JAKMIP3: variants seen among roughly 807,000 people sequenced by gnomAD.
JAKMIP3 encodes janus kinase and microtubule-interacting protein 3.
Under a neutral mutation model 118.5 loss-of-function variants are expected in JAKMIP3, and 58 were observed. The observed-to-expected ratio is 0.49, with a 90% CI of 0.40 to 0.61. The LOEUF is 0.61. Ranked by LOEUF, JAKMIP3 falls within the 20% of genes least tolerant of loss-of-function variation. The pLI is 0.00. For missense variants in JAKMIP3, 950 were observed against 1,109.0 expected (o/e 0.86, Z 2.04); for synonymous variants, 486 against 451.2 (o/e 1.08, Z -0.98).
At chr10:132,163,622 T>TA (rs766915266) in intron 20 of JAKMIP3, among the ~76,000 whole-genome samples, 9 of 147,668 alleles carry the variant, frequency 6.1e-5, no homozygotes, top group Non-Finnish European at 1.3e-4. Flanking sequence ...GAGCCTTGGA[T>TA]GGCCACACCT....
At chr10:132,082,605 C>T (rs1455644801) in intron 1 of JAKMIP3, among the ~76,000 whole-genome samples, 2 of 151,844 alleles carry the variant, frequency 1.3e-5, no homozygotes, top group Non-Finnish European at 2.9e-5. Flanking sequence ...ATATATACAC[C>T]ACAGTTTCTT....
At chr10:132,095,852 T>C (rs1422501038) in intron 1 of JAKMIP3, among the ~76,000 whole-genome samples, 1 of 152,198 alleles carries the variant, frequency 6.6e-6, no homozygotes, top group Non-Finnish European at 1.5e-5. Flanking sequence ...GAGGCTTGCC[T>C]TCAAGATTGG....
At chr10:132,041,476 C>T (rs2037744923) in intron 1 of JAKMIP3, among the ~76,000 whole-genome samples, 1 of 152,234 alleles carries the variant, frequency 6.6e-6, no homozygotes, top group Non-Finnish European at 1.5e-5. Flanking sequence ...CGGACGGGCA[C>T]AGCGGTAAAC....
chr10:132,064,640 G>T (rs867705352), upstream of JAKMIP3, among the ~76,000 whole-genome samples: 1 of 152,180 alleles, frequency 6.6e-6, no homozygotes, highest in African/African-American at 2.4e-5. This position sits in a 1 kb window ranked among gnomAD's most constrained non-coding sequence, Gnocchi z 4.4. Context: ...GACAGCGGGC[G>T]GCTCCGTCAC....
At chr10:132,102,328 C>T (rs1414907615) in intron 1 of JAKMIP3, among the ~76,000 whole-genome samples, 2 of 152,136 alleles carry the variant, frequency 1.3e-5, no homozygotes, top group Non-Finnish European at 2.9e-5. Context: ...ATGACGTCCG[C>T]GGGACAACCT....
chr10:132,173,739 G>C (rs2059863455), intron 23 of JAKMIP3, among the ~76,000 whole-genome samples: 1 of 120,220 alleles, frequency 8.3e-6, no homozygotes, highest in Non-Finnish European at 1.9e-5. Flanking sequence ...GTGTGTCTGT[G>C]GTGGTCTGTG....
At chr10:132,141,749 C>T (rs946331604) in intron 10 of JAKMIP3, among the ~76,000 whole-genome samples, 171 bp from the exon 11 acceptor site, 43 of 152,180 alleles carry the variant, frequency 2.8e-4, no homozygotes, top group Admixed American at 8.5e-4. Context: ...CCCAGGCAGC[C>T]GCCCCTCCCT....
intron 2 of JAKMIP3, among the ~76,000 whole-genome samples, chr10:132,105,173 C>T (rs1205975080): frequency 6.6e-6 from 1 of 152,226 alleles, no homozygotes; most frequent in Non-Finnish European, 1.5e-5. Context: ...ACGCTGAGCT[C>T]ACAGAAATTA....
At chr10:132,086,583 T>C (rs925044619) in intron 1 of JAKMIP3, among the ~76,000 whole-genome samples, 3 of 152,228 alleles carry the variant, frequency 2.0e-5, no homozygotes, top group African/African-American at 7.2e-5. Flanking sequence ...TATTTTCCTG[T>C]TGGACAAGGC....
intron 3 of JAKMIP3, among the ~76,000 whole-genome samples, chr10:132,121,281 C>A (rs1195826939): frequency 6.6e-6 from 1 of 152,158 alleles, no homozygotes; most frequent in Non-Finnish European, 1.5e-5. Flanking sequence ...TCCAGGACAG[C>A]CGCCAACCCA....
rs756294924 is a variant in JAKMIP3, at chr10:132,135,001, G to T, written c.850-40G>T. ...GGATTTGCAAAGGCTTCCCAGGCTT[G>T]TGGGTAGGAACCGTTATTTGCAGTT... is the stretch of plus-strand genomic sequence containing the variant. On this transcript the variant is annotated intron_variant, in intron 4 of 23. Transcript: ENST00000684848. 1.0e-5 allele frequency: 16 copies of T among 1,603,664 alleles called. No homozygotes were observed. In the East Asian group the frequency reaches 1.8e-4, roughly 18 times the overall value.
In JAKMIP3 at chr10:132,117,638, GGGGCGGGC is replaced by G. The variant is rs2047912525; in HGVS notation, c.633+66_633+73del. 8.1e-6 allele frequency: 11 copies of G among 1,360,408 alleles called. No homozygotes were observed. In the South Asian group the frequency reaches 1.9e-4, roughly 24 times the overall value. The allele number at this position is 1,360,408 out of a possible 1,614,324, so 84.3% of individuals were successfully genotyped here. On this transcript the variant is annotated intron_variant, in intron 3 of 23. Coordinates refer to ENST00000684848, the MANE Select transcript of JAKMIP3 (RefSeq NM_001323087.2). The surrounding 1 kb of genome is among the most constrained non-coding windows in gnomAD (Gnocchi z 8.6). The stretch of plus-strand genomic sequence containing the variant: ...AGGGGCGGGCGTGGGCGAGGGTGCA[GGGGCGGGC>G]GTGGGCGAGGGTGCAGGCGTGGGCT...
intron 1 of JAKMIP3, among the ~76,000 whole-genome samples, chr10:132,051,275 T>A (rs1366703967): frequency 2.2e-5 from 3 of 137,292 alleles, no homozygotes; most frequent in African/African-American, 8.3e-5. Flanking sequence ...CTGGCACGGT[T>A]GGTCTTAATT....
At chr10:132,143,297 A>G (rs1286261220) in intron 11 of JAKMIP3, among the ~76,000 whole-genome samples, 1 of 152,106 alleles carries the variant, frequency 6.6e-6, no homozygotes, top group Non-Finnish European at 1.5e-5. Context: ...CTCGGTTCAG[A>G]GCATCATAAA....
At position 132,104,700 on chromosome 10, in the gene JAKMIP3, G is replaced by A. The variant is rs2045635664; in HGVS notation, c.-109G>A. The A allele has an allele frequency of 8.8e-7, 1 of 1,132,296 alleles. No homozygotes were observed. The highest frequency in any genetic ancestry group is 1.3e-6 in the Non-Finnish European group (1 of 789,526). 70.1% of individuals were successfully genotyped at this position (1,132,296 alleles called of 1,614,324 possible). A position where few individuals can be genotyped will look rare whatever the true frequency, so the allele number is the denominator to read the frequency against. On this transcript the variant is annotated 5_prime_UTR_variant, in exon 2 of 24. Transcript: ENST00000684848. ...AATGAGAAGATGTAGTGTGACAGCA[G>A]CCCGGGTGACACCTGCTGGGAGCTT...
chr10:132,153,142 A>T, intron 17 of JAKMIP3, 119 bp downstream of exon 17: 1 of 754,196 alleles, frequency 1.3e-6, no homozygotes, highest in Non-Finnish European at 2.3e-6. Flanking sequence ...TGGGGGGTCC[A>T]CTAAGCCCCG....
intron 23 of JAKMIP3, among the ~76,000 whole-genome samples, chr10:132,176,085 C>T (rs1325680342): frequency 2.0e-5 from 3 of 152,188 alleles, no homozygotes; most frequent in South Asian, 4.1e-4. Context: ...GATCAGGGGG[C>T]GGAGTCTTCA....
chr10:132,077,716 T>C (rs547617261), intron 1 of JAKMIP3, among the ~76,000 whole-genome samples: 2 of 152,350 alleles, frequency 1.3e-5, no homozygotes, highest in South Asian at 4.1e-4. Flanking sequence ...AATGGCACGA[T>C]CTCAGCTCAC....
intron 2 of JAKMIP3, among the ~76,000 whole-genome samples, chr10:132,110,710 A>ATAAAATGAT (rs1253874327): frequency 1.3e-5 from 2 of 152,262 alleles, no homozygotes; most frequent in African/African-American, 4.8e-5. Flanking sequence ...CAACTCAAGA[A>ATAAAATGAT]TAAAATGATT....
Sources: allele counts gnomAD v4.1 joint callset (sites outside exome capture counted in the v4.1 genomes callset), GRCh38; gene constraint gnomAD v4.1.1; non-coding constraint Gnocchi (gnomAD v3.1); transcripts MANE v1.5; gene names NCBI Gene and HGNC (gene_info 2026-07-23, HGNC 2026-07-21).